Variants in SPOCK3 observed in about 807,000 individuals in gnomAD.
SPOCK3 encodes testican-3.
SPOCK3 carries 30 observed loss-of-function variants against 56.6 expected under a neutral mutation model. That is an observed-to-expected ratio of 0.53 (90% CI 0.40 to 0.72). The LOEUF is 0.72. SPOCK3 is among the 30% of genes least tolerant of loss of function. The pLI, the probability that SPOCK3 is intolerant of heterozygous loss-of-function variation, is 0.00. For synonymous variants in SPOCK3, 196 were observed against 183.3 expected (o/e 1.07, Z -0.56); for missense variants, 527 against 530.0 (o/e 0.99, Z 0.06).
intron 6 of SPOCK3, among the ~76,000 whole-genome samples, chr4:166,795,904 A>G (rs960329058): frequency 3.9e-5 from 6 of 152,158 alleles, no homozygotes; most frequent in African/African-American, 7.2e-5. Flanking sequence ...ATGTTATAAC[A>G]TCTAATCCAC....
At chr4:167,217,307 G>A (rs998698014) in intron 2 of SPOCK3, among the ~76,000 whole-genome samples, 4 of 151,654 alleles carry the variant, frequency 2.6e-5, no homozygotes, top group Non-Finnish European at 5.9e-5. Context: ...TGAAAATACC[G>A]AGGAAAAAAA....
At chr4:166,946,455 C>G (rs914110826) in intron 4 of SPOCK3, among the ~76,000 whole-genome samples, 2 of 152,214 alleles carry the variant, frequency 1.3e-5, no homozygotes, top group Admixed American at 1.3e-4. Flanking sequence ...CATGAGCATG[C>G]TAGCATATTC....
intron 9 of SPOCK3, among the ~76,000 whole-genome samples, chr4:166,739,850 C>T (rs112262005): frequency 6.2e-4 from 95 of 152,078 alleles, no homozygotes; most frequent in Non-Finnish European, 9.7e-4. Context: ...AATTGTTATA[C>T]GTAGATTAAC....
chr4:167,117,562 A>G (rs1167823048), intron 2 of SPOCK3, among the ~76,000 whole-genome samples: 1 of 152,176 alleles, frequency 6.6e-6, no homozygotes, highest in Non-Finnish European at 1.5e-5. Flanking sequence ...GAACTTGCCC[A>G]AAGCCAGGGT....
chr4:167,005,780 C>G (rs1274053734), intron 3 of SPOCK3, among the ~76,000 whole-genome samples: 1 of 151,916 alleles, frequency 6.6e-6, no homozygotes, highest in Non-Finnish European at 1.5e-5. Flanking sequence ...TTGTCGGGGA[C>G]TTGCAAATAC....
intron 4 of SPOCK3, among the ~76,000 whole-genome samples, chr4:166,999,624 G>T (rs1459674808): frequency 6.6e-6 from 1 of 152,090 alleles, no homozygotes; most frequent in Non-Finnish European, 1.5e-5. Flanking sequence ...CTTTAAAAAT[G>T]ATAAAGGAAA....
At chr4:167,010,657 A>G (rs1749947864) in intron 3 of SPOCK3, among the ~76,000 whole-genome samples, 2 of 152,158 alleles carry the variant, frequency 1.3e-5, no homozygotes, top group African/African-American at 4.8e-5. Flanking sequence ...TTGAAAGAAC[A>G]ACAAAAGGAT....
intron 2 of SPOCK3, among the ~76,000 whole-genome samples, chr4:167,218,290 A>G (rs780039433): frequency 3.9e-5 from 6 of 152,280 alleles, no homozygotes; most frequent in Non-Finnish European, 7.4e-5. Context: ...TTGGCCTCAG[A>G]TGATGTTTTG....
chr4:167,029,470 G>T (rs1315230303), intron 3 of SPOCK3, among the ~76,000 whole-genome samples: 2 of 151,706 alleles, frequency 1.3e-5, no homozygotes, highest in African/African-American at 4.8e-5. Context: ...TTTTAGAAGG[G>T]GACTAAGGGT....
intron 3 of SPOCK3, among the ~76,000 whole-genome samples, chr4:167,029,711 T>A (rs1580055953): frequency 2.0e-5 from 3 of 152,188 alleles, no homozygotes; most frequent in Non-Finnish European, 4.4e-5. Flanking sequence ...TGATTTTTCT[T>A]TATATTTGCT....
chr4:167,047,230 A>T (rs2150212790), intron 3 of SPOCK3, among the ~76,000 whole-genome samples: 1 of 152,322 alleles, frequency 6.6e-6, no homozygotes, highest in Non-Finnish European at 1.5e-5. Flanking sequence ...CATAAATGTA[A>T]CTGCTTGTAA....
At chr4:166,865,898 A>T (rs935856665) in intron 6 of SPOCK3, among the ~76,000 whole-genome samples, 1 of 152,142 alleles carries the variant, frequency 6.6e-6, no homozygotes, top group Non-Finnish European at 1.5e-5. Context: ...TCATGCTACC[A>T]TTGGCTTTCT....
chr4:167,057,230 A>T (rs1216717081), intron 3 of SPOCK3, among the ~76,000 whole-genome samples: 1 of 152,224 alleles, frequency 6.6e-6, no homozygotes, highest in Admixed American at 6.5e-5. Flanking sequence ...ACAGACAAGC[A>T]AATGCTCAGC....
intron 2 of SPOCK3, among the ~76,000 whole-genome samples, chr4:167,232,857 G>A (rs1330115421): frequency 6.6e-6 from 1 of 152,140 alleles, no homozygotes; most frequent in Non-Finnish European, 1.5e-5. Context: ...CTGAGAGAAT[G>A]GGTTAGAGGA....
chr4:166,754,941 G>C lies in SPOCK3; in HGVS notation c.710-212C>G, dbSNP rs1251565712. Among the ~76,000 whole-genome samples the C allele has an allele frequency of 4.0e-5, 6 of 151,880 alleles. No individual in the cohort carries two copies. The Admixed American group carries it at 4.0e-4, about 10-fold the overall frequency. On this transcript the variant is annotated intron_variant, in intron 7 of 10. Coordinates refer to ENST00000357545, the MANE Select transcript of SPOCK3 (RefSeq NM_001040159.2). ...GATAGTTGTGAGAATTAATTAACCA[G>C]AAAGCATTTGGTACTAATTAGTCAT...
intron 6 of SPOCK3, among the ~76,000 whole-genome samples, chr4:166,880,009 C>G (rs910670663): frequency 6.6e-6 from 1 of 152,154 alleles, no homozygotes; most frequent in African/African-American, 2.4e-5. Context: ...AGCCCTGATG[C>G]TTCCTGTACA....
intron 2 of SPOCK3, among the ~76,000 whole-genome samples, chr4:167,089,133 A>G (rs1334313369): frequency 6.6e-6 from 1 of 152,138 alleles, no homozygotes; most frequent in African/African-American, 2.4e-5. Flanking sequence ...AAGATTAAAA[A>G]TAAGTTTATA....
intron 6 of SPOCK3, among the ~76,000 whole-genome samples, chr4:166,854,044 C>A (rs1385451030): frequency 6.6e-6 from 1 of 152,080 alleles, no homozygotes; most frequent in South Asian, 2.1e-4. Context: ...ATGATTTTTA[C>A]CTACAAAAAG....
chr4:166,902,540 T>C (rs1003867632), intron 5 of SPOCK3, among the ~76,000 whole-genome samples: 45 of 152,028 alleles, frequency 3.0e-4, no homozygotes, highest in Middle Eastern at 3.4e-3. Flanking sequence ...TATTCTACCT[T>C]TTTGGGTTAT....
Sources: allele counts gnomAD v4.1 joint callset (sites outside exome capture counted in the v4.1 genomes callset), GRCh38; gene constraint gnomAD v4.1.1; transcripts MANE v1.5; gene names NCBI Gene and HGNC (gene_info 2026-07-23, HGNC 2026-07-21).